The following SCFD2 variants were observed in gnomAD, a reference collection of about 807,000 sequenced individuals.
SCFD2 encodes the protein sec1 family domain containing 2.
SCFD2 carries 54 observed loss-of-function variants against 58.9 expected under a neutral mutation model. The ratio of observed to expected loss-of-function variants is 0.92; its 90% CI spans 0.74 to 1.15. The LOEUF is 1.15. Ranked by LOEUF, SCFD2 falls within the 50% of genes most tolerant of loss-of-function variation. The probability of loss-of-function intolerance (pLI) is 0.00; values close to 1 mark genes in which losing one functional copy is unlikely to be tolerated. For synonymous variants in SCFD2, 321 were observed against 335.9 expected (o/e 0.96, Z 0.49); for missense variants, 805 against 836.6 (o/e 0.96, Z 0.47).
At chr4:53,279,130 TGACA>T (rs904790603) in intron 3 of SCFD2, among the ~76,000 whole-genome samples, 6 of 152,126 alleles carry the variant, frequency 3.9e-5, no homozygotes, top group Non-Finnish European at 5.9e-5. Flanking sequence ...ACAAAACCCT[TGACA>T]GACAGATTTA....
In SCFD2 at chr4:53,225,376, T is replaced by C. The variant is rs73147304; in HGVS notation, c.1311+48450A>G. Among the ~76,000 whole-genome samples, 1,331 of 152,300 alleles carry C rather than the reference T, an allele frequency of 8.7e-3. 17 individuals are homozygous for C. Among genetic ancestry groups the C allele is most frequent in the African/African-American group, 0.03 (1,254 of 41,556 alleles). On this transcript the variant is annotated intron_variant, in intron 4 of 8. Coordinates refer to ENST00000401642, the MANE Select transcript of SCFD2 (RefSeq NM_152540.4). Reference sequence around the variant, plus strand: ...AAAACTGAACATTTTTTTCATATGCTTATTAGCCACTATTATTTCCTCATC... The same window carrying C: ...AAAACTGAACATTTTTTTCATATGCCTATTAGCCACTATTATTTCCTCATC...
At position 53,294,253 on chromosome 4, in the gene SCFD2, CCCA is replaced by C. The variant is rs567386642; in HGVS notation, c.1135+19380_1135+19382del. On this transcript the variant is annotated intron_variant, in intron 3 of 8. Coordinates refer to ENST00000401642, the MANE Select transcript of SCFD2 (RefSeq NM_152540.4). ...CACAATGATTGAACTAATTTACACT[CCCA>C]CCAACAGTGTAAAAACGTTCCTATT... Among the ~76,000 whole-genome samples, 43 of 152,318 alleles carry C rather than the reference CCCA, an allele frequency of 2.8e-4. 1 individual carries two copies. The highest frequency in any genetic ancestry group is 6.8e-3 in the Middle Eastern group (2 of 294).
chr4:53,028,220 C>T (rs1722527434), intron 5 of SCFD2, among the ~76,000 whole-genome samples: 3 of 151,750 alleles, frequency 2.0e-5, no homozygotes, highest in Non-Finnish European at 4.4e-5. Flanking sequence ...GTACTCCAGC[C>T]TGGGTGACAG....
At position 52,900,236 on chromosome 4, in the gene SCFD2, G is replaced by A. The variant is rs183129323; in HGVS notation, c.1842+7221C>T. 7.9e-3 allele frequency among the ~76,000 whole-genome samples: 1,196 copies of A among 152,202 alleles called. 12 individuals are homozygous for A. Among genetic ancestry groups the A allele is most frequent in the African/African-American group, 0.025 (1,059 of 41,534 alleles). On this transcript the variant is annotated intron_variant, in intron 7 of 8. Transcript: ENST00000401642. ...AGGAGGAGAGGCGCTCTGATTTTTCGAGTTTCTGGTTTTTCTGCTCTGTTT... is the reference window on the plus strand; with the variant it reads ...AGGAGGAGAGGCGCTCTGATTTTTCAAGTTTCTGGTTTTTCTGCTCTGTTT...
intron 4 of SCFD2, among the ~76,000 whole-genome samples, chr4:53,207,480 T>TCAGGAAAAAATGAC: frequency 3.2e-5 from 1 of 31,254 alleles, no homozygotes; most frequent in East Asian, 9.1e-4. Context: ...TTGAAATATA[T>TCAGGAAAAAATGAC]TATATATATA....
chr4:53,188,224 G>T (rs1217932434), intron 4 of SCFD2, among the ~76,000 whole-genome samples: 2 of 152,150 alleles, frequency 1.3e-5, no homozygotes, highest in African/African-American at 4.8e-5. Context: ...AATTATGGAA[G>T]ATTTAGTGAT....
At position 53,328,446 on chromosome 4, in the gene SCFD2, A is replaced by G. The variant is rs561402057; in HGVS notation, c.1008-14683T>C. ...AATGCTCAAAGAACGATGGTTATAT[A>G]TCAAAAAGACACAGAAGTCAGGGGA... is the stretch of plus-strand genomic sequence containing the variant. On this transcript the variant is annotated intron_variant, in intron 2 of 8. Coordinates refer to ENST00000401642, the MANE Select transcript of SCFD2 (RefSeq NM_152540.4). Among the ~76,000 whole-genome samples the G allele has an allele frequency of 2.0e-5, 3 of 152,352 alleles. No individual in the cohort carries two copies. The East Asian group carries it at 5.8e-4, about 29-fold the overall frequency.
At chr4:52,992,762 T>C (rs1405754108) in intron 5 of SCFD2, among the ~76,000 whole-genome samples, 2 of 151,416 alleles carry the variant, frequency 1.3e-5, no homozygotes, top group Non-Finnish European at 1.5e-5. Flanking sequence ...AGCCGCCCCA[T>C]GTGTGAAGTG....
At chr4:53,206,984 G>A (rs969296031) in intron 4 of SCFD2, among the ~76,000 whole-genome samples, 1 of 152,012 alleles carries the variant, frequency 6.6e-6, no homozygotes, top group African/African-American at 2.4e-5. Flanking sequence ...CCAAGAGCAT[G>A]GTTCCAGCAT....
intron 3 of SCFD2, among the ~76,000 whole-genome samples, chr4:53,291,597 T>C (rs552007641): frequency 1.3e-5 from 2 of 151,868 alleles, no homozygotes; most frequent in East Asian, 3.9e-4. Flanking sequence ...CTACGACTGA[T>C]ATTCTTCACA....
intron 5 of SCFD2, among the ~76,000 whole-genome samples, chr4:53,087,220 G>T (rs1415553265): frequency 1.3e-5 from 2 of 152,170 alleles, no homozygotes; most frequent in East Asian, 3.8e-4. Flanking sequence ...AAGAGGCAAA[G>T]AACCTGGCTG....
intron 4 of SCFD2, among the ~76,000 whole-genome samples, chr4:53,222,126 A>G (rs1729064460): frequency 1.3e-5 from 2 of 152,168 alleles, no homozygotes; most frequent in African/African-American, 4.8e-5. Flanking sequence ...TCTCATCTGG[A>G]TTATGTCTTT....
Position 53,115,227 on chromosome 4 carries a change from T to C in SCFD2, c.1561+30106A>G, listed in dbSNP as rs575120155. On this transcript the variant is annotated intron_variant, in intron 5 of 8. Transcript: ENST00000401642. ...TTTAAATGAAAGCAAATCATATACATAGACAAATTGGAGCACAAGAAGGAG... is the reference window on the plus strand; with the variant it reads ...TTTAAATGAAAGCAAATCATATACACAGACAAATTGGAGCACAAGAAGGAG... 2.6e-5 allele frequency among the ~76,000 whole-genome samples: 4 copies of C among 152,084 alleles called. No individual in the cohort carries two copies. In the South Asian group the frequency reaches 8.3e-4, roughly 32 times the overall value.
intron 5 of SCFD2, among the ~76,000 whole-genome samples, chr4:53,112,524 G>A (rs1242657834): frequency 6.6e-6 from 1 of 152,000 alleles, no homozygotes; most frequent in Non-Finnish European, 1.5e-5. Flanking sequence ...CCAAGTAGAA[G>A]CCCTAAAAAT....
At chr4:53,147,156 A>G (rs1230345927) in intron 4 of SCFD2, among the ~76,000 whole-genome samples, 1 of 152,256 alleles carries the variant, frequency 6.6e-6, no homozygotes, top group Non-Finnish European at 1.5e-5. Context: ...CTGTCTCTAA[A>G]AAAATTTTTT....
intron 4 of SCFD2, among the ~76,000 whole-genome samples, chr4:53,248,421 A>G (rs1290741708): frequency 2.6e-5 from 4 of 152,344 alleles, no homozygotes; most frequent in Admixed American, 6.5e-5. Context: ...GGAGCCCACC[A>G]CAGCTCAAGG....
chr4:53,086,325 C>CA (rs1223227437), intron 5 of SCFD2, among the ~76,000 whole-genome samples: 2 of 152,096 alleles, frequency 1.3e-5, no homozygotes, highest in Non-Finnish European at 2.9e-5. Flanking sequence ...ATCAAAACTA[C>CA]AATGAGATAT....
At chr4:53,116,427 T>C (rs1202231753) in intron 5 of SCFD2, among the ~76,000 whole-genome samples, 1 of 152,208 alleles carries the variant, frequency 6.6e-6, no homozygotes, top group Non-Finnish European at 1.5e-5. Context: ...AAAAGCTTTC[T>C]GCCCAGAAGT....
At chr4:53,130,668 G>A (rs1331011677) in intron 5 of SCFD2, among the ~76,000 whole-genome samples, 1 of 152,150 alleles carries the variant, frequency 6.6e-6, no homozygotes, top group Non-Finnish European at 1.5e-5. Context: ...GTGACTGAAG[G>A]TCAGTCAGCT....
Sources: gnomAD v4.1 joint callset for allele counts (sites outside exome capture counted in the v4.1 genomes callset) on GRCh38, gnomAD v4.1.1 for gene constraint, MANE v1.5 for transcripts, NCBI Gene and HGNC (gene_info 2026-07-23, HGNC 2026-07-21) for gene names.